The following PSD3 variants were observed in gnomAD, a reference collection of about 807,000 sequenced individuals.
PSD3 encodes PH and SEC7 domain-containing protein 3.
In PSD3, 49 loss-of-function variants were observed where a neutral mutation model predicts 105.5. The ratio of observed to expected loss-of-function variants is 0.46; its 90% CI spans 0.37 to 0.59. The LOEUF is 0.59. PSD3 is among the 20% of genes least tolerant of loss of function. The probability of loss-of-function intolerance (pLI) is 0.00; values close to 1 mark genes in which losing one functional copy is unlikely to be tolerated. For missense variants in PSD3, 1,561 were observed against 1,263.8 expected (o/e 1.24, Z -3.57); for synonymous variants, 557 against 457.8 (o/e 1.22, Z -2.77).
At chr8:18,612,129 A>AT (rs1445636755) in intron 11 of PSD3, among the ~76,000 whole-genome samples, 3 of 151,434 alleles carry the variant, frequency 2.0e-5, no homozygotes, top group African/African-American at 7.3e-5. Context: ...GCAGCCTTAC[A>AT]TAAAAAAAAG....
intron 9 of PSD3, among the ~76,000 whole-genome samples, chr8:18,725,044 A>T (rs1803251027): frequency 6.6e-6 from 1 of 152,184 alleles, no homozygotes; most frequent in South Asian, 2.1e-4. Context: ...AGCAAATCTA[A>T]TTTCCTTGTT....
chr8:19,044,986 A>G (rs948416082), intron 1 of PSD3, among the ~76,000 whole-genome samples: 1 of 152,190 alleles, frequency 6.6e-6, no homozygotes, highest in South Asian at 2.1e-4. Context: ...GGAGTTCAAG[A>G]CCAGCCAGTC....
intron 9 of PSD3, among the ~76,000 whole-genome samples, chr8:18,672,104 G>C (rs1195154209): frequency 6.6e-6 from 1 of 152,132 alleles, no homozygotes; most frequent in African/African-American, 2.4e-5. Flanking sequence ...TGTCCATCTT[G>C]TTGGTAAGCC....
At chr8:18,970,016 T>G (rs1043129957) in intron 1 of PSD3, among the ~76,000 whole-genome samples, 2 of 149,718 alleles carry the variant, frequency 1.3e-5, no homozygotes, top group Non-Finnish European at 3.0e-5. Flanking sequence ...AAAGAAACGC[T>G]AGGTAAAAGG....
At chr8:18,648,641 A>C (rs961182789) in intron 10 of PSD3, among the ~76,000 whole-genome samples, 1 of 152,250 alleles carries the variant, frequency 6.6e-6, no homozygotes, top group African/African-American at 2.4e-5. Context: ...CTTTACTAAA[A>C]GGCAGGCAAG....
intron 2 of PSD3, among the ~76,000 whole-genome samples, chr8:18,886,655 C>G (rs1190700285): frequency 6.6e-6 from 1 of 152,106 alleles, no homozygotes; most frequent in Non-Finnish European, 1.5e-5. Context: ...TAGAAAATGC[C>G]CAGTTCATCA....
intron 9 of PSD3, among the ~76,000 whole-genome samples, chr8:18,747,437 G>A (rs1485286863): frequency 6.6e-6 from 1 of 152,214 alleles, no homozygotes; most frequent in Non-Finnish European, 1.5e-5. Context: ...GATGGGCAAA[G>A]TAATGTATTC....
Position 18,964,116 on chromosome 8 carries a change from G to A in PSD3, c.22-27974C>T, listed in dbSNP as rs746408869. Among the ~76,000 whole-genome samples the A allele has an allele frequency of 5.3e-5, 8 of 151,770 alleles. 1 individual carries two copies. Among genetic ancestry groups the A allele is most frequent in the South Asian group, 4.2e-4 (2 of 4,816 alleles). ...ATTCTCTAAATCTAATGAATAACTC[G>A]GGTTTTTTTTGTTTGTTTGTTTCTG... On this transcript the variant is annotated intron_variant, in intron 1 of 15. Transcript: ENST00000327040.
chr8:18,603,199 A>ACAATC (rs1208458438), intron 11 of PSD3, among the ~76,000 whole-genome samples: 1 of 152,202 alleles, frequency 6.6e-6, no homozygotes, highest in African/African-American at 2.4e-5. Context: ...AGGTCCAAAG[A>ACAATC]CAATCAATTG....
intron 14 of PSD3, among the ~76,000 whole-genome samples, chr8:18,564,725 A>T (rs2468981): frequency 0.28 from 42,097 of 151,496 alleles, 5,981 homozygotes; most frequent in East Asian, 0.41. Flanking sequence ...GAAGGAAGCA[A>T]CTACAAGAAT....
chr8:18,989,386 G>T (rs934687534), intron 1 of PSD3: 3 of 152,136 alleles, frequency 2.0e-5, no homozygotes, highest in Non-Finnish European at 2.9e-5. Context: ...GAGACCAGAA[G>T]GAACTGAGAA....
intron 2 of PSD3, among the ~76,000 whole-genome samples, chr8:18,880,309 C>T (rs747302042): frequency 7.9e-5 from 12 of 152,088 alleles, no homozygotes; most frequent in South Asian, 2.1e-4. Flanking sequence ...AATTCATTCA[C>T]GCATTCAGCA....
At chr8:18,799,140 A>C (rs144545670) in intron 8 of PSD3, 155 bp downstream of exon 8, 6 of 680,598 alleles carry the variant, frequency 8.8e-6, no homozygotes, top group Admixed American at 2.7e-5. Context: ...AAATAAAAAA[A>C]TTATTTCTTT....
intron 4 of PSD3, among the ~76,000 whole-genome samples, chr8:18,861,150 C>G (rs763984825): frequency 6.6e-6 from 1 of 152,200 alleles, no homozygotes; most frequent in Non-Finnish European, 1.5e-5. Flanking sequence ...CAAGGGCTGT[C>G]TGAAGGGCAC....
At chr8:18,577,520 C>T (rs1802535121) in intron 12 of PSD3, among the ~76,000 whole-genome samples, 1 of 152,010 alleles carries the variant, frequency 6.6e-6, no homozygotes, top group South Asian at 2.1e-4. Flanking sequence ...AAGTTTTATA[C>T]ATATTTTAGT....
At chr8:19,078,975 T>C (rs1829553953) in intron 1 of PSD3, among the ~76,000 whole-genome samples, 1 of 151,854 alleles carries the variant, frequency 6.6e-6, no homozygotes, top group African/African-American at 2.4e-5. Flanking sequence ...CCCAATCCAA[T>C]TGCTTTTCAA....
At chr8:19,040,485 C>T (rs557083901) in intron 1 of PSD3, among the ~76,000 whole-genome samples, 7 of 152,222 alleles carry the variant, frequency 4.6e-5, no homozygotes, top group African/African-American at 1.2e-4. Flanking sequence ...GGATTATAGG[C>T]GTGAGCCACT....
rs183001368 is a variant in PSD3, at chr8:18,718,150, A to C, written c.2172+47299T>G. On this transcript the variant is annotated intron_variant, in intron 9 of 15. Coordinates refer to ENST00000327040, the MANE Select transcript of PSD3 (RefSeq NM_015310.4). ...TCTTACCTCCTGGAGCAGCTGCCAC[A>C]CCCCTACCCTGTCGCCATTTCCTAA... Among the ~76,000 whole-genome samples, 422 of 152,150 alleles carry C rather than the reference A, an allele frequency of 2.8e-3. 2 individuals are homozygous for C. Among genetic ancestry groups the C allele is most frequent in the Non-Finnish European group, 5.1e-3 (345 of 68,000 alleles).
chr8:19,058,487 T>G (rs1414426135), intron 1 of PSD3, among the ~76,000 whole-genome samples: 1 of 148,440 alleles, frequency 6.7e-6, no homozygotes, highest in East Asian at 1.9e-4. Context: ...TATATAAAAT[T>G]TATATATAAT....
Sources: allele counts gnomAD v4.1 joint callset (sites outside exome capture counted in the v4.1 genomes callset), GRCh38; gene constraint gnomAD v4.1.1; transcripts MANE v1.5; gene names NCBI Gene and HGNC (gene_info 2026-07-23, HGNC 2026-07-21).